MYH6: variants seen among roughly 807,000 people sequenced by gnomAD.
MYH6 encodes myosin heavy chain 6.
MYH6 carries 126 observed loss-of-function variants against 223.2 expected under a neutral mutation model. The observed-to-expected ratio is 0.56, with a 90% CI of 0.49 to 0.65. The LOEUF is 0.65. MYH6 is among the 30% of genes least tolerant of loss of function. The probability of loss-of-function intolerance (pLI) is 0.00; values close to 1 mark genes in which losing one functional copy is unlikely to be tolerated. For missense variants in MYH6, 2,040 were observed against 2,536.4 expected (o/e 0.80, Z 4.20); for synonymous variants, 978 against 1,010.2 (o/e 0.97, Z 0.61).
intron 26 of MYH6, 40 bp from the exon 27 acceptor site, chr14:23,389,759 C>T: frequency 6.2e-7 from 1 of 1,613,970 alleles, no homozygotes; most frequent in Non-Finnish European, 8.5e-7. Flanking sequence ...GTGGGAGGGG[C>T]TGAGTCGACC....
At chr14:23,397,929 C>CTCCTCTTCTTCTTCTTCT (rs1366210289) in intron 15 of MYH6, among the ~76,000 whole-genome samples, 66 of 123,126 alleles carry the variant, frequency 5.4e-4, no homozygotes, top group African/African-American at 2.2e-3. Context: ...CCTCCTCCTC[C>CTCCTCTTCTTCTTCTTCT]TCCTCTTCTT....
intron 22 of MYH6, 42 bp downstream of exon 22, chr14:23,393,624 C>G (rs750445928): frequency 1.2e-6 from 2 of 1,614,200 alleles, no homozygotes; most frequent in Middle Eastern, 1.7e-4. Context: ...GTCTGGGAGT[C>G]TTGAGGAGAC....
intron 17 of MYH6, 30 bp from the exon 18 acceptor site, chr14:23,397,110 G>T (rs757740410): frequency 2.5e-6 from 4 of 1,614,250 alleles, no homozygotes; most frequent in Non-Finnish European, 3.4e-6. Context: ...GAAAGGGTCA[G>T]CCTTAGGGTA....
Position 23,386,024 on chromosome 14 carries a change from C to T in MYH6, c.5067G>A (p.Glu1689=), listed in dbSNP as rs202210008. 1.9e-5 allele frequency: 31 copies of T among 1,614,108 alleles called. No individual in the cohort carries two copies. Among genetic ancestry groups the T allele is most frequent in the Middle Eastern group, 3.3e-4 (2 of 6,084 alleles). ...CTGTCTGCTCCACCACGGCACGCAGCTCCTCCAGCTCAGCCTGCAGCAGGT... is the reference window on the plus strand; with the variant it reads ...CTGTCTGCTCCACCACGGCACGCAGTTCCTCCAGCTCAGCCTGCAGCAGGT... ...RNNLLQAELE[E]LRAVVEQTER... Residue 1689 remains glutamate (E), a synonymous_variant, in exon 34 of 39, where the codon GAG becomes GAA. Coordinates refer to ENST00000405093, the MANE Select transcript of MYH6 (RefSeq NM_002471.4).
rs758421298 is a variant in MYH6, at chr14:23,390,438, G to C, written c.3351C>G (p.Ile1117Met). Reference protein sequence around the residue: ...QKKLKENQARIEELEEELEAE... With the variant: ...QKKLKENQARMEELEEELEAE... The stretch of plus-strand genomic sequence containing the variant: ...CCTCCAGCTCCTCCTCCAGCTCCTC[G>C]ATGCGTGCCTGGGTCAGACACAAAG... The change falls in exon 26 of 39, where the codon ATC becomes ATG. Residue 1117 changes from isoleucine (I) to methionine (M), a missense_variant. Coordinates refer to ENST00000405093, the MANE Select transcript of MYH6 (RefSeq NM_002471.4). 1.9e-6 allele frequency: 3 copies of C among 1,612,664 alleles called. No homozygotes were observed. The highest frequency in any genetic ancestry group is 1.7e-6 in the Non-Finnish European group (2 of 1,179,930).
rs773279964 is a variant in MYH6, at chr14:23,392,972, G to A, written c.3191C>T (p.Thr1064Ile). Reference sequence around the variant, plus strand: ...TTCCAGGTCCATGATGCTCTCCTGGGTCAGCTTCAGGTCGCCCTCCAGTTT... The same window carrying A: ...TTCCAGGTCCATGATGCTCTCCTGGATCAGCTTCAGGTCGCCCTCCAGTTT... ...KRKLEGDLKL[T>I]QESIMDLEND... The change falls in exon 24 of 39, where the codon ACC becomes ATC. Residue 1064 changes from threonine (T) to isoleucine (I), a missense_variant. Coordinates refer to ENST00000405093, the MANE Select transcript of MYH6 (RefSeq NM_002471.4). 3.1e-6 allele frequency: 5 copies of A among 1,614,168 alleles called. No individual in the cohort carries two copies. The highest frequency in any genetic ancestry group is 3.4e-6 in the Non-Finnish European group (4 of 1,180,038).
chr14:23,408,180 G>C (rs1361288476), intron 1 of MYH6, 73 bp downstream of exon 1: 10 of 951,704 alleles, frequency 1.1e-5, no homozygotes, highest in Non-Finnish European at 1.3e-5. Flanking sequence ...CCCCACTCCT[G>C]GTGAAGGAGG....
rs897791525 is a variant in MYH6 at position 23,394,393 on chromosome 14, G to A, written c.2430-70C>T. The A allele has an allele frequency of 1.3e-5, 21 of 1,597,284 alleles. No individual in the cohort carries two copies. The African/African-American group carries it at 2.3e-4, about 17-fold the overall frequency. ...GCTTCCCAATCATGGGCCCTACTAA[G>A]CAAGTTCGTAGGCACGTAGACTTCC... On this transcript the variant is annotated intron_variant, in intron 20 of 38. Transcript: ENST00000405093.
chr14:23,404,654 C>T, intron 7 of MYH6, 57 bp downstream of exon 7: 1 of 1,519,594 alleles, frequency 6.6e-7, no homozygotes, highest in South Asian at 1.1e-5. Flanking sequence ...TTAGGGGTAA[C>T]TCGGGTCAGC....
intron 7 of MYH6, 43 bp downstream of exon 7, chr14:23,404,668 C>T (rs780150737): frequency 1.1e-5 from 17 of 1,570,588 alleles, no homozygotes; most frequent in Admixed American, 5.0e-5. Flanking sequence ...GGTCAGCCTG[C>T]CCCCCAACCC....
chr14:23,397,404 A>G, intron 16 of MYH6, 139 bp downstream of exon 16: 1 of 1,267,882 alleles, frequency 7.9e-7, no homozygotes, highest in Admixed American at 1.7e-5. Context: ...GCTTTTGTGG[A>G]ATCTACACAC....
At chr14:23,401,927 G>C (rs1370140758) in intron 12 of MYH6, among the ~76,000 whole-genome samples, 1 of 152,230 alleles carries the variant, frequency 6.6e-6, no homozygotes, top group Non-Finnish European at 1.5e-5. Context: ...TTGGAGAAGG[G>C]TCCCTGAAGG....
At chr14:23,383,431 A>C in intron 36 of MYH6, 111 bp from the exon 37 acceptor site, 1 of 852,476 alleles carries the variant, frequency 1.2e-6, no homozygotes, top group Non-Finnish European at 1.9e-6. Context: ...CCCTCCCTGC[A>C]ATGATCCAGG....
chr14:23,383,339 G>GGGGGGGGGGGGGCCCCC lies in MYH6; in HGVS notation c.5566-20_5566-19insGGGGGCCCCCCCCCCCC. On this transcript the variant is annotated intron_variant, in intron 36 of 38. Transcript: ENST00000405093. ...CCTCTGTCTGGGGGTGGGAGGGTGG[G>GGGGGGGGGGGGGCCCCC]AGAAGCTGGTTTGGAGGGGGAGCAA... 9.2e-6 allele frequency: 1 copy of GGGGGGGGGGGGGCCCCC among 108,194 alleles called. No individual in the cohort carries two copies. Among genetic ancestry groups the GGGGGGGGGGGGGCCCCC allele is most frequent in the Non-Finnish European group, 1.8e-5 (1 of 54,378 alleles). The allele number at this position is 108,194 out of a possible 1,614,324, so 6.7% of individuals were successfully genotyped here. A position where few individuals can be genotyped will look rare whatever the true frequency, so the allele number is the denominator to read the frequency against.
chr14:23,386,468 G>A lies in MYH6; in HGVS notation c.4806C>T (p.Ser1602=). 2 of 1,614,178 alleles carry A rather than the reference G, an allele frequency of 1.2e-6. No homozygotes were observed. Among genetic ancestry groups the A allele is most frequent in the Non-Finnish European group, 1.7e-6 (2 of 1,180,044 alleles). ...HQRVVDSLQT[S]LDAETRSRNE... ...TGCGGCTGCGTGTCTCTGCATCCAG[G>A]GAGGTCTGCAGCGAGTCCACCACCC... The change falls in exon 33 of 39, where the codon TCC becomes TCT. Residue 1602 remains serine, a synonymous_variant. Coordinates refer to ENST00000405093, the MANE Select transcript of MYH6 (RefSeq NM_002471.4).
At chr14:23,397,953 T>TTCTTCTTCTTCTTTTTCTTCTTCC (rs1891465473) in intron 15 of MYH6, among the ~76,000 whole-genome samples, 2 of 90,794 alleles carry the variant, frequency 2.2e-5, no homozygotes, top group Admixed American at 1.2e-4. Flanking sequence ...CTTCTTCTTC[T>TTCTTCTTCTTCTTTTTCTTCTTCC]TCTTCTTCTT....
At chr14:23,392,779 G>T in intron 24 of MYH6, 127 bp from the exon 25 acceptor site, 1 of 1,482,388 alleles carries the variant, frequency 6.7e-7, no homozygotes, top group Non-Finnish European at 9.4e-7. Flanking sequence ...AGAAAGTGGC[G>T]GAAGAGGGCT....
chr14:23,382,091 G>C (rs1308640003), intron 38 of MYH6, 28 bp from the exon 39 acceptor site: 1 of 1,600,880 alleles, frequency 6.2e-7, no homozygotes, highest in South Asian at 1.1e-5. Flanking sequence ...GGTGTGAGGG[G>C]GCAGCTGGCA....
At chr14:23,395,818 G>A (rs1485661491) in intron 20 of MYH6, among the ~76,000 whole-genome samples, 2 of 152,072 alleles carry the variant, frequency 1.3e-5, no homozygotes, top group African/African-American at 2.4e-5. Flanking sequence ...ATGAGCCACC[G>A]CGCCTGGCCT....
Sources: allele counts gnomAD v4.1 joint callset (sites outside exome capture counted in the v4.1 genomes callset), GRCh38; gene constraint gnomAD v4.1.1; transcripts MANE v1.5; gene names NCBI Gene and HGNC (gene_info 2026-07-23, HGNC 2026-07-21).